Variants in ADH6 observed in about 807,000 individuals in gnomAD.
ADH6 encodes alcohol dehydrogenase 6 (class V).
Under a neutral mutation model 36.5 loss-of-function variants are expected in ADH6, and 34 were observed. The ratio of observed to expected loss-of-function variants is 0.93; its 90% CI spans 0.71 to 1.24. ADH6 has a LOEUF of 1.24. ADH6 is among the 50% of genes most tolerant of loss of function. The pLI, the probability that ADH6 is intolerant of heterozygous loss-of-function variation, is 0.00. For synonymous variants in ADH6, 161 were observed against 155.5 expected (o/e 1.04, Z -0.26); for missense variants, 440 against 447.0 (o/e 0.98, Z 0.14).
At position 99,208,257 on chromosome 4, in the gene ADH6, T is replaced by C. The variant is rs1048077435; in HGVS notation, c.828+411A>G. Among the ~76,000 whole-genome samples, 2 of 152,270 alleles carry C rather than the reference T, an allele frequency of 1.3e-5. 1 individual carries two copies. Among genetic ancestry groups the C allele is most frequent in the Middle Eastern group, 6.8e-3 (2 of 292 alleles). ...TAACTTCCCCTCACTTTCTATTCTT[T>C]TATATAAACCACGTTTAGCCAGAAA... On this transcript the variant is annotated intron_variant, in intron 6 of 8. Transcript: ENST00000394899.
chr4:99,210,415 T>G lies in ADH6; in HGVS notation c.350A>C (p.Lys117Thr), dbSNP rs1731183012. 11 of 1,607,100 alleles carry G rather than the reference T, an allele frequency of 6.8e-6. No individual in the cohort carries two copies. Among genetic ancestry groups the G allele is most frequent in the Non-Finnish European group, 9.4e-6 (11 of 1,174,704 alleles). The change falls in exon 4 of 9, where the codon AAA becomes ACA. Residue 117 changes from lysine to threonine, a missense_variant and splice_region_variant. Coordinates refer to ENST00000394899, the MANE Select transcript of ADH6 (RefSeq NM_001102470.2). ...AAAGAAAATATTAGTAAAAACTTAC[T>G]TGAATTGTATACAAAAATTGCCCTC... ...NSEGNFCIQF[K>T]QSKTQLMSDG...
chr4:99,204,279 T>C (rs773851508), intron 8 of ADH6, 36 bp from the exon 9 acceptor site: 4 of 1,593,946 alleles, frequency 2.5e-6, no homozygotes, highest in East Asian at 2.2e-5. Context: ...GGTTGGAACA[T>C]TTTTAGAGCA....
At chr4:99,204,560 A>G in intron 8 of ADH6, 1 of 1,205,224 alleles carries the variant, frequency 8.3e-7, no homozygotes, top group Non-Finnish European at 1.0e-6. Context: ...CCAAAGTAGA[A>G]CAACAAATAC....
Position 99,204,867 on chromosome 4 carries a change from A to T in ADH6, c.1103+58T>A, listed in dbSNP as rs1423380306. 7 of 1,546,188 alleles carry T rather than the reference A, an allele frequency of 4.5e-6. No individual in the cohort carries two copies. The Admixed American group carries it at 5.7e-5, about 13-fold the overall frequency. On this transcript the variant is annotated intron_variant, in intron 8 of 8. Transcript: ENST00000394899. ...CGACCCTTCTTCTACTCCCAAGCCA[A>T]TACACCCTTTCTCTTGGTCTCAAAC...
intron 7 of ADH6, among the ~76,000 whole-genome samples, chr4:99,205,360 ATATC>A (rs1287957640): frequency 1.3e-5 from 2 of 152,098 alleles, no homozygotes; most frequent in Admixed American, 1.3e-4. Context: ...CAGTGAATCT[ATATC>A]TAATGTATAA....
Position 99,204,134 on chromosome 4 carries a change from A to G in ADH6, c.*85T>C. The stretch of plus-strand genomic sequence containing the variant: ...AGAATATAGAAATGGGATTGGGTGA[A>G]TAATTCTTCTAAATCATGAAAATTA... On this transcript the variant is annotated 3_prime_UTR_variant, in exon 9 of 9. Coordinates refer to ENST00000394899, the MANE Select transcript of ADH6 (RefSeq NM_001102470.2). 1 of 1,482,980 alleles carries G rather than the reference A, an allele frequency of 6.7e-7. No individual in the cohort carries two copies. The allele number at this position is 1,482,980 out of a possible 1,614,324, so 91.9% of individuals were successfully genotyped here.
intron 6 of ADH6, 41 bp from the exon 7 acceptor site, chr4:99,207,622 T>G: frequency 6.3e-7 from 1 of 1,591,106 alleles, no homozygotes; most frequent in South Asian, 1.1e-5. Context: ...GGTTAAAAGA[T>G]GTATGTGAGG....
chr4:99,209,954 A>G (rs1731164562), intron 5 of ADH6, 128 bp downstream of exon 5: 1 of 882,218 alleles, frequency 1.1e-6, no homozygotes, highest in Non-Finnish European at 1.8e-6. Flanking sequence ...ATAGCAGAGA[A>G]CTCAAGGATG....
chr4:99,216,135 ATTTT>A (rs34008565), intron 2 of ADH6, 22 bp downstream of exon 2: 13,583 of 853,216 alleles, frequency 0.016, no homozygotes, highest in South Asian at 0.018. Flanking sequence ...TTTTGGTGTG[ATTTT>A]TTTTTTTTTT....
chr4:99,213,601 C>A lies in ADH6; in HGVS notation c.262+5G>T. On this transcript the variant is annotated splice_donor_5th_base_variant and intron_variant, in intron 3 of 8. Coordinates refer to ENST00000394899, the MANE Select transcript of ADH6 (RefSeq NM_001102470.2). ...TGTTTCCTATTACCAGGTGCTAATTCCTACCTGGTTTCACTGTGCTTACTC... is the reference window on the plus strand; with the variant it reads ...TGTTTCCTATTACCAGGTGCTAATTACTACCTGGTTTCACTGTGCTTACTC... The A allele has an allele frequency of 6.3e-7, 1 of 1,598,354 alleles. No individual in the cohort carries two copies. The highest frequency in any genetic ancestry group is 8.5e-7 in the Non-Finnish European group (1 of 1,174,672).
chr4:99,206,865 G>C (rs1347323046), intron 7 of ADH6, among the ~76,000 whole-genome samples: 2 of 151,954 alleles, frequency 1.3e-5, no homozygotes, highest in African/African-American at 4.8e-5. Flanking sequence ...CAATAAAATA[G>C]TCTTCTAAAG....
intron 3 of ADH6, 25 bp downstream of exon 3, chr4:99,213,581 C>G: frequency 6.4e-7 from 1 of 1,573,874 alleles, no homozygotes; most frequent in Non-Finnish European, 8.6e-7. Context: ...GTTGCTGTTT[C>G]CTATTACCAG....
At chr4:99,216,936 T>C (rs200108176) in intron 1 of ADH6, among the ~76,000 whole-genome samples, 1 of 152,186 alleles carries the variant, frequency 6.6e-6, no homozygotes, top group East Asian at 1.9e-4. Flanking sequence ...ATTCAGGGTG[T>C]CCATTATCTG....
rs926967295 is a variant in ADH6, at chr4:99,215,647, G to A, written c.120+514C>T. The A allele has an allele frequency of 7.2e-5, 11 of 152,316 alleles. No homozygotes were observed. In the East Asian group the frequency reaches 1.2e-3, roughly 16 times the overall value. The allele number at this position is 152,316 out of a possible 1,614,324, so 9.4% of individuals were successfully genotyped here. ...CAGGGATGAGCTATCATGCTCAGCCGAGAAAAATTAGTCTTTATTTTTACT... is the reference window on the plus strand; with the variant it reads ...CAGGGATGAGCTATCATGCTCAGCCAAGAAAAATTAGTCTTTATTTTTACT... On this transcript the variant is annotated intron_variant, in intron 2 of 8. Transcript: ENST00000394899.
rs757602639 is a variant in ADH6, at chr4:99,219,189, A to C, written c.-37T>G. ...CCACCGCAGATGAATTTATTGAGAA[A>C]GGGAGATCCTGTAGCAACTTTCACT... On this transcript the variant is annotated 5_prime_UTR_variant, in exon 1 of 9. Coordinates refer to ENST00000394899, the MANE Select transcript of ADH6 (RefSeq NM_001102470.2). 1 of 1,599,688 alleles carries C rather than the reference A, an allele frequency of 6.3e-7. No homozygotes were observed. The highest frequency in any genetic ancestry group is 1.7e-5 in the Admixed American group (1 of 59,958).
intron 8 of ADH6, 194 bp from the exon 9 acceptor site, chr4:99,204,437 C>CAAG: frequency 7.2e-7 from 1 of 1,395,862 alleles, no homozygotes; most frequent in Non-Finnish European, 9.2e-7. Flanking sequence ...AGTAGGTAAG[C>CAAG]AAGCTTATAC....
At chr4:99,208,961 A>G in intron 5 of ADH6, 33 bp from the exon 6 acceptor site, 2 of 1,589,070 alleles carry the variant, frequency 1.3e-6, no homozygotes, top group Non-Finnish European at 1.7e-6. Context: ...CTCAGAAAAC[A>G]AAAAGCAAAG....
rs1362719831 is a variant in ADH6 at position 99,204,189 on chromosome 4, C to T, written c.*30G>A. On this transcript the variant is annotated 3_prime_UTR_variant, in exon 9 of 9. Transcript: ENST00000394899. ...AAATGCCATTGAGTTGGTGAAATATCCTTTGGGTCTTGCATGTATTACATT... is the reference window on the plus strand; with the variant it reads ...AAATGCCATTGAGTTGGTGAAATATTCTTTGGGTCTTGCATGTATTACATT... 7 of 1,588,498 alleles carry T rather than the reference C, an allele frequency of 4.4e-6. No homozygotes were observed. Among genetic ancestry groups the T allele is most frequent in the Admixed American group, 1.8e-5 (1 of 56,834 alleles).
intron 1 of ADH6, among the ~76,000 whole-genome samples, chr4:99,216,796 G>C (rs1731448055): frequency 6.6e-6 from 1 of 150,688 alleles, no homozygotes; most frequent in Non-Finnish European, 1.5e-5. Context: ...AATGAGCTGA[G>C]ATCATGCCAC....
Sources: allele counts gnomAD v4.1 joint callset (sites outside exome capture counted in the v4.1 genomes callset), GRCh38; gene constraint gnomAD v4.1.1; transcripts MANE v1.5; gene names NCBI Gene and HGNC (gene_info 2026-07-23, HGNC 2026-07-21).